The following SIPA1L1 variants were observed in gnomAD, a reference collection of about 807,000 sequenced individuals.
SIPA1L1 encodes signal induced proliferation associated 1 like 1.
A neutral mutation model predicts 162.7 loss-of-function variants in SIPA1L1; 26 were observed. The ratio of observed to expected loss-of-function variants is 0.16; its 90% CI spans 0.12 to 0.22. The LOEUF (loss-of-function observed/expected upper bound fraction) is 0.22. Ranked by LOEUF, SIPA1L1 falls within the 10% of genes least tolerant of loss-of-function variation. The pLI is 1.00. For synonymous variants in SIPA1L1, 829 were observed against 837.4 expected, an observed-to-expected ratio of 0.99 and a Z score of 0.17; for missense variants, 1,874 against 2,241.0, an observed-to-expected ratio of 0.84 and a Z score of 3.31.
At chr14:71,649,975 AG>A (rs1307804587) in intron 7 of SIPA1L1, among the ~76,000 whole-genome samples, 1 of 152,198 alleles carries the variant, frequency 6.6e-6, no homozygotes, top group African/African-American at 2.4e-5. Flanking sequence ...CCCTTTTAAA[AG>A]GGGGGACACC....
At chr14:71,433,624 G>C (rs1305275372) in intron 2 of SIPA1L1, among the ~76,000 whole-genome samples, 1 of 152,126 alleles carries the variant, frequency 6.6e-6, no homozygotes, top group Non-Finnish European at 1.5e-5. Flanking sequence ...GTGCTTGTCT[G>C]GACATTCTTA....
intron 21 of SIPA1L1, among the ~76,000 whole-genome samples, chr14:71,734,701 C>G (rs2085123535): frequency 6.6e-6 from 1 of 152,176 alleles, no homozygotes; most frequent in African/African-American, 2.4e-5. Flanking sequence ...ATTCCCAGTT[C>G]TAACTTGATT....
At position 71,393,514 on chromosome 14, in the gene SIPA1L1, T is replaced by TC. The variant is rs1482849863; in HGVS notation, c.-465+72333_-465+72334insC. ...CTCATGCTAGCAGGACTTGCTTTAGTAATAGCTTTGTGGCTGGGCGTGGAG... is the reference window on the plus strand; with the variant it reads ...CTCATGCTAGCAGGACTTGCTTTAGTCAATAGCTTTGTGGCTGGGCGTGGAG... On this transcript the variant is annotated intron_variant, in intron 2 of 23. Transcript: ENST00000381232. Among the ~76,000 whole-genome samples the TC allele has an allele frequency of 3.3e-5, 5 of 152,280 alleles. No homozygotes were observed. In the East Asian group the frequency reaches 9.6e-4, roughly 29 times the overall value.
intron 4 of SIPA1L1, chr14:71,574,041 C>A: frequency 5.0e-6 from 1 of 200,064 alleles, no homozygotes. Context: ...GGTAATAACA[C>A]ATAGTGAAAT....
chr14:71,573,314 A>G (rs1596206170), intron 4 of SIPA1L1, among the ~76,000 whole-genome samples: 1 of 152,196 alleles, frequency 6.6e-6, no homozygotes, highest in Non-Finnish European at 1.5e-5. Context: ...TTTACCACCT[A>G]TTTTCCTATT....
At chr14:71,508,982 ATG>A (rs777759093) in intron 2 of SIPA1L1, among the ~76,000 whole-genome samples, 2 of 151,042 alleles carry the variant, frequency 1.3e-5, no homozygotes, top group Admixed American at 6.6e-5. Flanking sequence ...TTCCCATAAG[ATG>A]TGTGAGTTTT....
intron 4 of SIPA1L1, among the ~76,000 whole-genome samples, chr14:71,543,950 TACGCACATGTATGTATATATACACAC>T (rs1567179247): frequency 6.7e-6 from 1 of 150,004 alleles, no homozygotes; most frequent in Non-Finnish European, 1.5e-5. Context: ...TATATACATA[TACGCACATGTATGTATATATACACAC>T]ACGCACATGT....
rs1407187570 is a variant in SIPA1L1, at chr14:71,398,718, T to G, written c.-465+77537T>G. ...TCTGAAGGGTGAGGCCAAAGCTAGA[T>G]GACAGACACCAGATAGATAGTAAGG... On this transcript the variant is annotated intron_variant, in intron 2 of 23. Coordinates refer to ENST00000381232, the MANE Select transcript of SIPA1L1 (RefSeq NM_001386936.1). 1.3e-5 allele frequency among the ~76,000 whole-genome samples: 2 copies of G among 152,214 alleles called. 1 individual carries two copies. Among genetic ancestry groups the G allele is most frequent in the Non-Finnish European group, 2.9e-5 (2 of 68,034 alleles).
chr14:71,376,483 A>G (rs1387066011), intron 2 of SIPA1L1, among the ~76,000 whole-genome samples: 1 of 151,472 alleles, frequency 6.6e-6, no homozygotes, highest in East Asian at 1.9e-4. Context: ...CTACTCTTGA[A>G]AAACTAAAAA....
At chr14:71,726,297 G>A (rs372056638) in intron 19 of SIPA1L1, among the ~76,000 whole-genome samples, 6 of 152,280 alleles carry the variant, frequency 3.9e-5, no homozygotes, top group Admixed American at 2.6e-4. Flanking sequence ...GCAACCTTGC[G>A]AAAGACAGTG....
intron 12 of SIPA1L1, among the ~76,000 whole-genome samples, chr14:71,681,105 G>A (rs988876036): frequency 2.0e-5 from 3 of 152,198 alleles, no homozygotes; most frequent in African/African-American, 7.2e-5. Context: ...AAGTTCAGTT[G>A]CTGCCCAAAG....
intron 4 of SIPA1L1, among the ~76,000 whole-genome samples, chr14:71,573,086 C>T (rs1271425222): frequency 1.3e-5 from 2 of 152,128 alleles, no homozygotes; most frequent in Non-Finnish European, 2.9e-5. Flanking sequence ...GGAAACAGTG[C>T]TATGTATTGA....
At chr14:71,683,159 G>C (rs1397641855) in intron 12 of SIPA1L1, among the ~76,000 whole-genome samples, 1 of 152,170 alleles carries the variant, frequency 6.6e-6, no homozygotes, top group Non-Finnish European at 1.5e-5. Context: ...CTCTCAAAAA[G>C]AAAGAGAAAG....
chr14:71,612,408 T>C (rs2038334936), intron 5 of SIPA1L1, among the ~76,000 whole-genome samples: 1 of 152,206 alleles, frequency 6.6e-6, no homozygotes, highest in South Asian at 2.1e-4. Flanking sequence ...ATTTGCTTTG[T>C]GTTTCTTTGA....
At position 71,672,608 on chromosome 14, in the gene SIPA1L1, C is replaced by G; in HGVS notation, c.3090C>G (p.Asp1030Glu). Reference sequence around the variant, plus strand: ...TTGTCATCATTCCCCCGCATGATGACTGCACCCCGCGGAGGTAGGTCTGAG... The same window carrying G: ...TTGTCATCATTCCCCCGCATGATGAGTGCACCCCGCGGAGGTAGGTCTGAG... ...VKVVIIPPHDDCTPRRSCSET... is the reference protein window; with the variant it reads ...VKVVIIPPHDECTPRRSCSET... Residue 1030 changes from aspartate (D) to glutamate (E), a missense_variant, in exon 12 of 24, where the codon GAC becomes GAG. Asp to Glu is a conservative substitution (Grantham distance 45). Transcript: ENST00000381232. 1 of 1,613,718 alleles carries G rather than the reference C, an allele frequency of 6.2e-7. No homozygotes were observed. The highest frequency in any genetic ancestry group is 8.5e-7 in the Non-Finnish European group (1 of 1,179,622).
intron 5 of SIPA1L1, among the ~76,000 whole-genome samples, chr14:71,592,670 G>A (rs1266787527): frequency 1.3e-5 from 2 of 152,122 alleles, no homozygotes; most frequent in Non-Finnish European, 2.9e-5. Context: ...ACTAAAGTAT[G>A]CTATACAGCT....
chr14:71,637,007 C>T (rs1361689458), intron 7 of SIPA1L1, among the ~76,000 whole-genome samples: 2 of 149,232 alleles, frequency 1.3e-5, no homozygotes, highest in African/African-American at 2.5e-5. Flanking sequence ...GCTGAGATGG[C>T]GCCACTGCAC....
chr14:71,582,846 AG>A (rs1473895636), intron 4 of SIPA1L1, among the ~76,000 whole-genome samples: 1 of 152,204 alleles, frequency 6.6e-6, no homozygotes, highest in Admixed American at 6.5e-5. Flanking sequence ...CATTCTAAAA[AG>A]TTTTACGCTG....
At chr14:71,622,947 A>G (rs911164440) in intron 6 of SIPA1L1, among the ~76,000 whole-genome samples, 8 of 151,736 alleles carry the variant, frequency 5.3e-5, no homozygotes, top group African/African-American at 1.9e-4. Context: ...ACTCCTTCCC[A>G]CTTACTCCCT....
Sources: gnomAD v4.1 joint callset for allele counts (sites outside exome capture counted in the v4.1 genomes callset) on GRCh38, gnomAD v4.1.1 for gene constraint, MANE v1.5 for transcripts, NCBI Gene and HGNC (gene_info 2026-07-23, HGNC 2026-07-21) for gene names.